ARHGAP10: variants seen among roughly 807,000 people sequenced by gnomAD.
ARHGAP10 encodes the protein Rho GTPase activating protein 10, also known as rho GTPase-activating protein 10.
ARHGAP10 carries 87 observed loss-of-function variants against 108.6 expected under a neutral mutation model. The observed-to-expected ratio is 0.80, with a 90% CI of 0.67 to 0.96. The LOEUF is 0.96. Among genes scored for constraint, ARHGAP10 ranks in the 40% least tolerant of loss-of-function variants. The pLI is 0.00. For missense variants in ARHGAP10, 939 were observed against 954.5 expected (o/e 0.98, Z 0.21); for synonymous variants, 347 against 341.1 (o/e 1.02, Z -0.19).
intron 18 of ARHGAP10, among the ~76,000 whole-genome samples, chr4:147,973,867 T>A (rs1739501607): frequency 6.6e-6 from 1 of 152,142 alleles, no homozygotes; most frequent in Non-Finnish European, 1.5e-5. Flanking sequence ...AATGACAGGA[T>A]CTCATTCTTT....
At chr4:147,887,008 C>A (rs749984216) in intron 10 of ARHGAP10, among the ~76,000 whole-genome samples, 1 of 152,128 alleles carries the variant, frequency 6.6e-6, no homozygotes, top group Non-Finnish European at 1.5e-5. Flanking sequence ...CCACCTGCCT[C>A]GGCCTCCCAA....
intron 1 of ARHGAP10, among the ~76,000 whole-genome samples, chr4:147,760,779 G>A (rs1017601794): frequency 2.6e-5 from 4 of 152,100 alleles, no homozygotes; most frequent in African/African-American, 4.8e-5. Context: ...CAGTTGAAGG[G>A]GGGCTATGTT....
At chr4:147,746,535 G>A (rs529449941) in intron 1 of ARHGAP10, among the ~76,000 whole-genome samples, 2 of 150,760 alleles carry the variant, frequency 1.3e-5, no homozygotes, top group South Asian at 2.1e-4. Flanking sequence ...TGAGTAGCTC[G>A]CTTGCCACCA....
chr4:147,747,349 TA>T (rs1350989804), intron 1 of ARHGAP10, among the ~76,000 whole-genome samples: 6 of 152,244 alleles, frequency 3.9e-5, no homozygotes, highest in Non-Finnish European at 8.8e-5. Context: ...AAAAATGGAA[TA>T]ATTATCTATT....
intron 1 of ARHGAP10, among the ~76,000 whole-genome samples, chr4:147,790,219 GAA>G (rs926908861): frequency 6.6e-6 from 1 of 152,050 alleles, no homozygotes; most frequent in African/African-American, 2.4e-5. Context: ...CGGGAAGAGA[GAA>G]AGAGAAAACA....
chr4:147,903,448 C>A (rs1736333411), intron 10 of ARHGAP10, among the ~76,000 whole-genome samples: 1 of 152,168 alleles, frequency 6.6e-6, no homozygotes, highest in African/African-American at 2.4e-5. Context: ...AACTGTGGAA[C>A]CTACCTTGAC....
intron 4 of ARHGAP10, among the ~76,000 whole-genome samples, chr4:147,850,143 C>G (rs891653355): frequency 2.6e-5 from 4 of 152,188 alleles, no homozygotes; most frequent in Admixed American, 6.5e-5. Flanking sequence ...TAAAAATGCA[C>G]CAATCAGTGC....
rs551378076 is a variant in ARHGAP10, at chr4:147,820,883, A to G, written c.155-1844A>G. 1.4e-3 allele frequency among the ~76,000 whole-genome samples: 220 copies of G among 151,978 alleles called. 1 individual carries two copies. Among genetic ancestry groups the G allele is most frequent in the African/African-American group, 5.1e-3 (210 of 41,460 alleles). ...TGGGATGACAGGCGTGAACCACCAC[A>G]CTGGCCATATTTTACATTTTAACAC... On this transcript the variant is annotated intron_variant, in intron 1 of 22. Coordinates refer to ENST00000336498, the MANE Select transcript of ARHGAP10 (RefSeq NM_024605.4).
intron 18 of ARHGAP10, among the ~76,000 whole-genome samples, chr4:148,011,185 G>A (rs149250407): frequency 6.6e-6 from 1 of 152,198 alleles, no homozygotes; most frequent in African/African-American, 2.4e-5. Flanking sequence ...CCCTTGGTTG[G>A]GTGTTACTCT....
At chr4:147,745,375 A>T (rs1728867713) in intron 1 of ARHGAP10, 1 of 152,296 alleles carries the variant, frequency 6.6e-6, no homozygotes, top group Non-Finnish European at 1.5e-5. Context: ...AGCATCTGAG[A>T]TCAGACAGGG....
chr4:147,751,542 T>A lies in ARHGAP10; in HGVS notation c.154+19087T>A, dbSNP rs570834220. 6.7e-4 allele frequency among the ~76,000 whole-genome samples: 102 copies of A among 151,940 alleles called. 1 individual carries two copies. In the Middle Eastern group the frequency reaches 0.01, roughly 15 times the overall value. ...CCACGCCTGGCCATTTTTTTTGTATTTTTAGTAGAGATGGGGTTTCACCAT... is the reference window on the plus strand; with the variant it reads ...CCACGCCTGGCCATTTTTTTTGTATATTTAGTAGAGATGGGGTTTCACCAT... On this transcript the variant is annotated intron_variant, in intron 1 of 22. Transcript: ENST00000336498.
intron 18 of ARHGAP10, among the ~76,000 whole-genome samples, chr4:148,002,149 T>G (rs894431038): frequency 4.6e-5 from 7 of 152,200 alleles, no homozygotes; most frequent in Non-Finnish European, 8.8e-5. Context: ...TCAAAGACCT[T>G]TTTTGCATCT....
intron 13 of ARHGAP10, among the ~76,000 whole-genome samples, chr4:147,914,874 T>G (rs1039719584): frequency 3.9e-5 from 6 of 152,176 alleles, no homozygotes; most frequent in African/African-American, 1.4e-4. Context: ...AAGCAAAAAT[T>G]GGGCCCTTTT....
At chr4:147,852,286 G>A (rs1733902691) in intron 4 of ARHGAP10, among the ~76,000 whole-genome samples, 1 of 152,178 alleles carries the variant, frequency 6.6e-6, no homozygotes, top group East Asian at 1.9e-4. Flanking sequence ...CTGAGGAACC[G>A]AGGTGGCACT....
intron 1 of ARHGAP10, among the ~76,000 whole-genome samples, chr4:147,754,315 A>G (rs1486302647): frequency 6.6e-6 from 1 of 152,180 alleles, no homozygotes; most frequent in Non-Finnish European, 1.5e-5. Context: ...ATTTGTTGCT[A>G]TTGTAGTTCC....
chr4:147,909,595 A>G (rs1736649207), intron 11 of ARHGAP10, 137 bp from the exon 12 acceptor site: 1 of 712,838 alleles, frequency 1.4e-6, no homozygotes, highest in Middle Eastern at 3.9e-4. Context: ...GATGCAGACC[A>G]ATTTCTTATT....
chr4:147,796,129 A>G (rs1220058564), intron 1 of ARHGAP10, among the ~76,000 whole-genome samples: 1 of 152,204 alleles, frequency 6.6e-6, no homozygotes, highest in Non-Finnish European at 1.5e-5. Context: ...TAGAGGAGGA[A>G]TTATTTAGTA....
In ARHGAP10 at chr4:148,041,438, C is replaced by T. The variant is rs753031431; in HGVS notation, c.1868-5454C>T. On this transcript the variant is annotated intron_variant, in intron 19 of 22. Coordinates refer to ENST00000336498, the MANE Select transcript of ARHGAP10 (RefSeq NM_024605.4). The stretch of plus-strand genomic sequence containing the variant: ...GGGAAGCCCAAAGCTTTATTCCTTC[C>T]AACAATCCAAAAGCAGTTCTGTTCA... Among the ~76,000 whole-genome samples the T allele has an allele frequency of 2.1e-3, 322 of 152,168 alleles. 1 individual carries two copies. Among genetic ancestry groups the T allele is most frequent in the Non-Finnish European group, 3.7e-3 (253 of 68,000 alleles).
At chr4:147,811,681 A>G (rs1732027814) in intron 1 of ARHGAP10, among the ~76,000 whole-genome samples, 1 of 151,840 alleles carries the variant, frequency 6.6e-6, no homozygotes, top group Admixed American at 6.6e-5. Flanking sequence ...GTGCAACTGC[A>G]TACTTTTCTC....
Sources: allele counts gnomAD v4.1 joint callset (sites outside exome capture counted in the v4.1 genomes callset), GRCh38; gene constraint gnomAD v4.1.1; transcripts MANE v1.5; gene names NCBI Gene and HGNC (gene_info 2026-07-23, HGNC 2026-07-21).